Variants in SOX5 observed in about 807,000 individuals in gnomAD.
SOX5 encodes the protein transcription factor SOX-5.
Under a neutral mutation model 92.0 loss-of-function variants are expected in SOX5, and 9 were observed. The observed-to-expected ratio is 0.10, with a 90% CI of 0.06 to 0.17. SOX5 has a LOEUF of 0.17. Ranked by LOEUF, SOX5 falls within the 10% of genes least tolerant of loss-of-function variation. The pLI is 1.00. For synonymous variants in SOX5, 344 were observed against 336.3 expected, an observed-to-expected ratio of 1.02 and a Z score of -0.25; for missense variants, 642 against 944.5, an observed-to-expected ratio of 0.68 and a Z score of 4.20.
chr12:24,174,848 T>C (rs1333461246), intron 4 of SOX5, among the ~76,000 whole-genome samples: 2 of 151,848 alleles, frequency 1.3e-5, no homozygotes, highest in Admixed American at 1.3e-4. Flanking sequence ...AAAGGGACAC[T>C]GCTTAATGGA....
intron 1 of SOX5, among the ~76,000 whole-genome samples, chr12:24,445,093 C>G (rs1468937526): frequency 6.6e-6 from 1 of 152,090 alleles, no homozygotes; most frequent in East Asian, 1.9e-4. Context: ...AATGCAATCC[C>G]CATTGTAACA....
chr12:23,711,610 A>T (rs1273382918), intron 6 of SOX5, among the ~76,000 whole-genome samples: 2 of 152,188 alleles, frequency 1.3e-5, no homozygotes, highest in African/African-American at 4.8e-5. Flanking sequence ...ATATGCTGAT[A>T]AACTTGATAT....
At chr12:23,777,451 T>G (rs895283864) in intron 3 of SOX5, among the ~76,000 whole-genome samples, 2 of 152,152 alleles carry the variant, frequency 1.3e-5, no homozygotes, top group African/African-American at 4.8e-5. Context: ...CTTAAACAAT[T>G]CTGAGCTCAC....
At chr12:23,934,983 T>C (rs1423190233) in intron 1 of SOX5, among the ~76,000 whole-genome samples, 3 of 151,092 alleles carry the variant, frequency 2.0e-5, no homozygotes. Flanking sequence ...TATCAAGAAA[T>C]CAGAAAAAGT....
At chr12:23,820,763 T>C (rs919753512) in intron 3 of SOX5, among the ~76,000 whole-genome samples, 1 of 152,138 alleles carries the variant, frequency 6.6e-6, no homozygotes, top group African/African-American at 2.4e-5. Context: ...GAGGCCTCTG[T>C]TCTGTTCCAT....
chr12:24,130,294 T>A (rs1405348751), intron 4 of SOX5, among the ~76,000 whole-genome samples: 1 of 152,162 alleles, frequency 6.6e-6, no homozygotes, highest in Non-Finnish European at 1.5e-5. Context: ...CTGGGGTGAA[T>A]AATGTGGGTG....
intron 4 of SOX5, among the ~76,000 whole-genome samples, chr12:24,126,858 C>A (rs1395034543): frequency 6.6e-6 from 1 of 152,116 alleles, no homozygotes; most frequent in Non-Finnish European, 1.5e-5. Flanking sequence ...TCCACCTTCA[C>A]ACAAATGTCT....
chr12:24,533,086 C>T (rs938446210), intron 1 of SOX5, among the ~76,000 whole-genome samples: 2 of 152,166 alleles, frequency 1.3e-5, no homozygotes, highest in African/African-American at 4.8e-5. Flanking sequence ...AATTTCAATA[C>T]ATTATTTGTT....
At chr12:24,102,172 T>G (rs145880299) in intron 4 of SOX5, among the ~76,000 whole-genome samples, 1 of 152,322 alleles carries the variant, frequency 6.6e-6, no homozygotes, top group East Asian at 1.9e-4. Flanking sequence ...GTGTAGCACC[T>G]GCTGCATGTT....
intron 10 of SOX5, among the ~76,000 whole-genome samples, chr12:23,568,677 G>T (rs1414757075): frequency 6.6e-6 from 1 of 151,874 alleles, no homozygotes; most frequent in Non-Finnish European, 1.5e-5. Flanking sequence ...GTAATTTAAG[G>T]TCTCTCCTTT....
intron 1 of SOX5, among the ~76,000 whole-genome samples, chr12:24,507,598 T>C (rs955121581): frequency 5.3e-5 from 8 of 152,180 alleles, no homozygotes; most frequent in African/African-American, 1.9e-4. Context: ...AAAAGACTTT[T>C]TTGCAACAAC....
At position 24,108,107 on chromosome 12, in the gene SOX5, C is replaced by A. The variant is rs146330557; in HGVS notation, c.-2+105236G>T. Among the ~76,000 whole-genome samples, 278 of 152,194 alleles carry A rather than the reference C, an allele frequency of 1.8e-3. 1 individual carries two copies. The highest frequency in any genetic ancestry group is 0.012 in the South Asian group (56 of 4,826). ...GTGAAGGGGAAGTCTTTTAAAAGAGCTTTTGAACAGATTTCCATTGTTTCT... is the reference window on the plus strand; with the variant it reads ...GTGAAGGGGAAGTCTTTTAAAAGAGATTTTGAACAGATTTCCATTGTTTCT... On this transcript the variant is annotated intron_variant, in intron 4 of 4. Transcript: ENST00000446891.
chr12:23,725,577 T>C (rs2093067320), intron 6 of SOX5, among the ~76,000 whole-genome samples: 2 of 152,118 alleles, frequency 1.3e-5, no homozygotes, highest in African/African-American at 4.8e-5. Context: ...AGACAAACCA[T>C]ATCACCATTT....
intron 1 of SOX5, among the ~76,000 whole-genome samples, chr12:24,385,301 C>G (rs1433912964): frequency 1.3e-5 from 2 of 152,124 alleles, no homozygotes; most frequent in Non-Finnish European, 2.9e-5. Context: ...TCCATTATGA[C>G]AACATAGGCT....
intron 3 of SOX5, among the ~76,000 whole-genome samples, chr12:24,251,378 C>T (rs1251134949): frequency 1.3e-5 from 2 of 152,122 alleles, no homozygotes; most frequent in African/African-American, 4.8e-5. Context: ...TCATTCCCTC[C>T]ATTAACGTTT....
chr12:24,133,344 C>T lies in SOX5; in HGVS notation c.-2+79999G>A, dbSNP rs142407117. On this transcript the variant is annotated intron_variant, in intron 4 of 4. Transcript: ENST00000446891. ...TTACAAACTGTCCTATTGGCTCTGGCGCCTTACCTAGTTGTCAAAATAACC... is the reference window on the plus strand; with the variant it reads ...TTACAAACTGTCCTATTGGCTCTGGTGCCTTACCTAGTTGTCAAAATAACC... Among the ~76,000 whole-genome samples, 512 of 152,226 alleles carry T rather than the reference C, an allele frequency of 3.4e-3. 5 individuals carry two copies. The highest frequency in any genetic ancestry group is 5.6e-3 in the Non-Finnish European group (382 of 68,014).
At chr12:23,760,009 A>T (rs1031015203) in intron 3 of SOX5, among the ~76,000 whole-genome samples, 1 of 151,880 alleles carries the variant, frequency 6.6e-6, no homozygotes, top group Non-Finnish European at 1.5e-5. Flanking sequence ...TCATTTTAAG[A>T]TGTGTCATGT....
At chr12:24,100,899 A>G (rs1275747965) in intron 4 of SOX5, among the ~76,000 whole-genome samples, 3 of 152,122 alleles carry the variant, frequency 2.0e-5, no homozygotes, top group Admixed American at 6.6e-5. Context: ...CTGCTTCATT[A>G]GCAAGTCATG....
In SOX5 at chr12:23,908,809, T is replaced by C. The variant is rs547733380; in HGVS notation, c.39-12785A>G. ...GTTACAAGAATGCTGAGCCTCTTCA[T>C]TGGCTCCTTTCATGCCAAAGCTCCT... is the stretch of plus-strand genomic sequence containing the variant. On this transcript the variant is annotated intron_variant, in intron 1 of 14. Transcript: ENST00000451604. Among the ~76,000 whole-genome samples the C allele has an allele frequency of 4.6e-5, 7 of 152,234 alleles. No homozygotes were observed. In the East Asian group the frequency reaches 1.4e-3, roughly 29 times the overall value.
Sources: allele counts gnomAD v4.1 joint callset (sites outside exome capture counted in the v4.1 genomes callset), GRCh38; gene constraint gnomAD v4.1.1; transcripts MANE v1.5; gene names NCBI Gene and HGNC (gene_info 2026-07-23, HGNC 2026-07-21).